The following ADSL variants were observed in gnomAD, a reference collection of about 807,000 sequenced individuals.
The protein encoded by ADSL is adenylosuccinase.
A neutral mutation model predicts 62.1 loss-of-function variants in ADSL; 44 were observed. That is an observed-to-expected ratio of 0.71 (90% confidence interval 0.56 to 0.91). The LOEUF is 0.91. Among genes scored for constraint, ADSL ranks in the 40% least tolerant of loss-of-function variants. The pLI is 0.00. For synonymous variants in ADSL, 198 were observed against 220.5 expected, an observed-to-expected ratio of 0.90 and a Z score of 0.90; for missense variants, 531 against 627.4, an observed-to-expected ratio of 0.85 and a Z score of 1.64.
chr22:40,377,568 G>T (rs570643222), intron 2 of ADSL, among the ~76,000 whole-genome samples: 1 of 152,264 alleles, frequency 6.6e-6, no homozygotes, highest in East Asian at 1.9e-4. Context: ...TGGTGTCGTG[G>T]CTCACGCCTG....
chr22:40,346,806 A>G (rs2044159950), intron 1 of ADSL, 95 bp downstream of exon 1: 1 of 1,332,864 alleles, frequency 7.5e-7, no homozygotes, highest in Non-Finnish European at 1.0e-6. Context: ...GCCACCCCGG[A>G]GCTGCGGCCC....
chr22:40,353,955 C>A, intron 3 of ADSL: 1 of 483,286 alleles, frequency 2.1e-6, no homozygotes, highest in Non-Finnish European at 3.8e-6. Context: ...GAAGAGAGTG[C>A]AACCAAAGGC....
rs778401578 is a variant in ADSL, at chr22:40,364,288, C to A, written c.1114C>A (p.Arg372Ser). ...TCTTTTCCTATAGGTAATTGAACGG[C>A]GCATTCGGCAAGAGCTGCCTTTCAT... Reference protein sequence around the residue: ...LVVYPKVIERRIRQELPFMAT... With the variant: ...LVVYPKVIERSIRQELPFMAT... The change falls in exon 11 of 13, where the codon CGC (arginine) becomes AGC (serine). Residue 372 changes from arginine (R) to serine (S), a missense_variant. By Grantham distance (110) the Arg-to-Ser change is moderately radical. Coordinates refer to ENST00000623063, the MANE Select transcript of ADSL (RefSeq NM_000026.4). The A allele has an allele frequency of 5.0e-6, 8 of 1,613,776 alleles. No homozygotes were observed. The Admixed American group carries it at 8.3e-5, about 17-fold the overall frequency.
At chr22:40,346,820 T>C in intron 1 of ADSL, 109 bp downstream of exon 1, 2 of 1,208,034 alleles carry the variant, frequency 1.7e-6, no homozygotes, top group South Asian at 1.4e-5. Context: ...GCGGCCCGGC[T>C]ATTTTCAGCT....
chr22:40,359,177 C>T (rs1338793899), intron 5 of ADSL, 83 bp from the exon 6 acceptor site: 10 of 1,583,634 alleles, frequency 6.3e-6, no homozygotes, highest in East Asian at 4.5e-5. Flanking sequence ...GGTTAGGGAG[C>T]GAGACCTGGG....
In ADSL at chr22:40,368,257, TC is replaced by T. The variant is rs1439931262; in HGVS notation, c.*1740del. ...ACTGAGATTAGCAACCTACACTCAA[TC>T]CCCCAGGTCAGGCAGAAGCTGGAAG... On this transcript the variant is annotated 3_prime_UTR_variant, in exon 13 of 13. Transcript: ENST00000623063. The T allele has an allele frequency of 6.6e-6, 1 of 152,022 alleles. No individual in the cohort carries two copies. The highest frequency in any genetic ancestry group is 1.5e-5 in the Non-Finnish European group (1 of 68,008). The allele number at this position is 152,022 out of a possible 1,614,324, so 9.4% of individuals were successfully genotyped here. A position where few individuals can be genotyped will look rare whatever the true frequency, so the allele number is the denominator to read the frequency against.
intron 2 of ADSL, among the ~76,000 whole-genome samples, chr22:40,382,392 T>C (rs907149348): frequency 7.9e-5 from 12 of 152,258 alleles, no homozygotes; most frequent in Admixed American, 7.2e-4. Context: ...TAGGTGGGAC[T>C]GGAGTCATGT....
intron 2 of ADSL, among the ~76,000 whole-genome samples, chr22:40,375,666 ATTT>A (rs34846503): frequency 6.8e-6 from 1 of 147,702 alleles, no homozygotes; most frequent in Non-Finnish European, 1.5e-5. Context: ...AAGACAGAGA[ATTT>A]TTTTTTTTTC....
chr22:40,346,844 C>A, intron 1 of ADSL, 133 bp downstream of exon 1: 1 of 944,700 alleles, frequency 1.1e-6, no homozygotes, highest in Non-Finnish European at 1.5e-6. Context: ...TGTTCCCTGT[C>A]CTGAGGAGCT....
At chr22:40,363,619 C>A (rs937776529) in intron 10 of ADSL, among the ~76,000 whole-genome samples, 4 of 151,724 alleles carry the variant, frequency 2.6e-5, no homozygotes, top group Non-Finnish European at 4.4e-5. Context: ...GCCTGTAATC[C>A]GAGCTACTCG....
intron 2 of ADSL, among the ~76,000 whole-genome samples, chr22:40,383,433 C>G (rs957933884): frequency 2.0e-5 from 3 of 149,140 alleles, no homozygotes; most frequent in African/African-American, 5.0e-5. Flanking sequence ...CGCCACTGCA[C>G]TCCACCCTTG....
At chr22:40,350,201 G>T (rs567429684) in intron 2 of ADSL, 166 bp downstream of exon 2, 1 of 640,674 alleles carries the variant, frequency 1.6e-6, no homozygotes, top group East Asian at 2.8e-5. Context: ...ACGGCTCACT[G>T]CAAGCTCCGC....
chr22:40,366,932 A>C lies in ADSL; in HGVS notation c.*410A>C, dbSNP rs781281016. 5 of 188,962 alleles carry C rather than the reference A, an allele frequency of 2.6e-5. No homozygotes were observed. Among genetic ancestry groups the C allele is most frequent in the Non-Finnish European group, 5.5e-5 (5 of 91,256 alleles). The allele number at this position is 188,962 out of a possible 1,614,324, so 11.7% of individuals were successfully genotyped here. A position where few individuals can be genotyped will look rare whatever the true frequency, so the allele number is the denominator to read the frequency against. ...TGGTCAGATACCTTTTATTTCGGTT[A>C]TTTTTGGCTAGTATAAGTGATGAAG... On this transcript the variant is annotated 3_prime_UTR_variant, in exon 13 of 13. Coordinates refer to ENST00000623063, the MANE Select transcript of ADSL (RefSeq NM_000026.4).
chr22:40,357,445 G>T (rs1034784596), intron 4 of ADSL, among the ~76,000 whole-genome samples: 9 of 151,678 alleles, frequency 5.9e-5, no homozygotes, highest in Non-Finnish European at 1.2e-4. Flanking sequence ...TAGAGACGGG[G>T]TTTCTCTGTG....
Position 40,354,328 on chromosome 22 carries a change from G to A in ADSL, c.482+1G>A. 2.5e-6 allele frequency: 4 copies of A among 1,613,040 alleles called. No individual in the cohort carries two copies. Among genetic ancestry groups the A allele is most frequent in the Non-Finnish European group, 3.4e-6 (4 of 1,178,964 alleles). ...CCACATTAGGTTTCACACATTTCCAGTAAGTGATAAGATTACTTCTTGTTT... is the reference window on the plus strand; with the variant it reads ...CCACATTAGGTTTCACACATTTCCAATAAGTGATAAGATTACTTCTTGTTT... On this transcript the variant is annotated splice_donor_variant, in intron 4 of 12. Transcript: ENST00000623063. LOFTEE classifies it high-confidence loss of function.
chr22:40,386,562 C>CT (rs60319316), intron 2 of ADSL, among the ~76,000 whole-genome samples: 9,302 of 68,272 alleles, frequency 0.14, 1,008 homozygotes, highest in Non-Finnish European at 0.17. Flanking sequence ...AATTTTCTTA[C>CT]TTTTTTTTTT....
intron 2 of ADSL, among the ~76,000 whole-genome samples, chr22:40,386,448 T>C (rs1162601467): frequency 1.3e-5 from 2 of 152,126 alleles, no homozygotes; most frequent in Non-Finnish European, 2.9e-5. Flanking sequence ...GGCCTGTCTC[T>C]AGCTGTTTCC....
chr22:40,361,788 T>G, intron 9 of ADSL, 153 bp downstream of exon 9: 1 of 969,570 alleles, frequency 1.0e-6, no homozygotes, highest in South Asian at 1.4e-5. Flanking sequence ...AAAAGGACAG[T>G]GTGATAAGTG....
downstream of ADSL, among the ~76,000 whole-genome samples, chr22:40,371,229 T>A (rs2045401464): frequency 6.6e-6 from 1 of 152,248 alleles, no homozygotes; most frequent in African/African-American, 2.4e-5. Flanking sequence ...GCCAGAATCA[T>A]CCGGTGTGGT....
Sources: gnomAD v4.1 joint callset for allele counts (sites outside exome capture counted in the v4.1 genomes callset) on GRCh38, gnomAD v4.1.1 for gene constraint, MANE v1.5 for transcripts, NCBI Gene and HGNC (gene_info 2026-07-23, HGNC 2026-07-21) for gene names.